FLVCR1: variants seen among roughly 807,000 people sequenced by gnomAD.
The protein encoded by FLVCR1 is FLVCR choline and heme transporter 1, also known as choline/ethanolamine transporter FLVCR1.
FLVCR1 carries 34 observed loss-of-function variants against 53.6 expected under a neutral mutation model. The observed-to-expected ratio is 0.63, with a 90% confidence interval of 0.48 to 0.84. FLVCR1 has a LOEUF of 0.84. Ranked by LOEUF, FLVCR1 falls within the 40% of genes least tolerant of loss-of-function variation. The pLI, the probability that FLVCR1 is intolerant of heterozygous loss-of-function variation, is 0.00. For missense variants in FLVCR1, 677 were observed against 696.7 expected (o/e 0.97, Z 0.32); for synonymous variants, 300 against 286.3 (o/e 1.05, Z -0.48).
At chr1:212,875,852 A>C (rs899284958) in intron 3 of FLVCR1, among the ~76,000 whole-genome samples, 3 of 150,440 alleles carry the variant, frequency 2.0e-5, no homozygotes, top group African/African-American at 7.3e-5. Context: ...GAAAAAAAAA[A>C]ACAAAAAACT....
At chr1:212,864,177 A>T (rs1404719618) in intron 2 of FLVCR1, among the ~76,000 whole-genome samples, 1 of 152,184 alleles carries the variant, frequency 6.6e-6, no homozygotes, top group East Asian at 1.9e-4. Flanking sequence ...CATGGTCTGC[A>T]TCTTATGCCT....
intron 1 of FLVCR1, among the ~76,000 whole-genome samples, chr1:212,861,927 C>T (rs1419063240): frequency 6.6e-6 from 1 of 152,124 alleles, no homozygotes; most frequent in South Asian, 2.1e-4. Flanking sequence ...ACCTCGGCCT[C>T]CCAAAGTGCT....
At chr1:212,879,643 C>T (rs1053515870) in intron 3 of FLVCR1, among the ~76,000 whole-genome samples, 2 of 152,120 alleles carry the variant, frequency 1.3e-5, no homozygotes, top group Admixed American at 1.3e-4. Flanking sequence ...GCAGCCTTCA[C>T]CTCCTGGGTT....
At chr1:212,861,559 G>A (rs1664240568) in intron 1 of FLVCR1, among the ~76,000 whole-genome samples, 1 of 152,006 alleles carries the variant, frequency 6.6e-6, no homozygotes, top group Non-Finnish European at 1.5e-5. Context: ...AAATTACGTG[G>A]TCTCCCCAGT....
Position 212,895,051 on chromosome 1 carries a change from G to A in FLVCR1, c.1591G>A (p.Ala531Thr). Reference protein sequence around the residue: ...NIGITNVDVKAIPADSPTDQE... With the variant: ...NIGITNVDVKTIPADSPTDQE... ...AGGAATTACAAATGTTGATGTTAAA[G>A]CTGTAAGTAATATTTTTATGATTAT... The change falls in exon 9 of 10, where the codon GCT becomes ACT. Residue 531 changes from alanine (A) to threonine (T), a missense_variant and splice_region_variant. By Grantham distance (58) the Ala-to-Thr change is moderately conservative (BLOSUM62 0). Transcript: ENST00000366971. The A allele has an allele frequency of 6.5e-7, 1 of 1,545,288 alleles. No individual in the cohort carries two copies. Among genetic ancestry groups the A allele is most frequent in the Non-Finnish European group, 8.9e-7 (1 of 1,117,438 alleles).
Position 212,858,407 on chromosome 1 carries a change from C to CG in FLVCR1, c.-42dup. On this transcript the variant is annotated 5_prime_UTR_variant, in exon 1 of 10. Coordinates refer to ENST00000366971, the MANE Select transcript of FLVCR1 (RefSeq NM_014053.4). ...GGGCTGTGGGCCGGGAGAGCGGAGTCGGGGAGTGGGGCGGGGGAGCGAGGT... is the reference window on the plus strand; with the variant it reads ...GGGCTGTGGGCCGGGAGAGCGGAGTCGGGGGAGTGGGGCGGGGGAGCGAGGT... The CG allele has an allele frequency of 7.1e-7, 1 of 1,412,846 alleles. No homozygotes were observed. The highest frequency in any genetic ancestry group is 9.2e-7 in the Non-Finnish European group (1 of 1,082,098). 87.5% of individuals were successfully genotyped at this position (1,412,846 alleles called of 1,614,324 possible). A position where few individuals can be genotyped will look rare whatever the true frequency, so the allele number is the denominator to read the frequency against.
intron 8 of FLVCR1, among the ~76,000 whole-genome samples, chr1:212,889,755 CAAAAAAA>C (rs386369572): frequency 2.7e-5 from 3 of 111,612 alleles, no homozygotes; most frequent in Non-Finnish European, 5.3e-5. Flanking sequence ...GACTCTGTCT[CAAAAAAA>C]AAAAAAAAAA....
intron 8 of FLVCR1, among the ~76,000 whole-genome samples, chr1:212,893,638 C>T (rs2359325): frequency 0.39 from 60,010 of 151,946 alleles, 13,356 homozygotes; most frequent in South Asian, 0.52. Context: ...TTGCCACAGC[C>T]GCTCCCACCT....
chr1:212,868,504 C>T (rs1664508378), intron 2 of FLVCR1, among the ~76,000 whole-genome samples: 1 of 152,206 alleles, frequency 6.6e-6, no homozygotes, highest in African/African-American at 2.4e-5. Context: ...ACCTCTGCCT[C>T]CCGGATTCAA....
intron 3 of FLVCR1, 140 bp downstream of exon 3, chr1:212,872,958 A>G: frequency 1.2e-6 from 1 of 832,860 alleles, no homozygotes. Flanking sequence ...TTAAACTAAA[A>G]GCAGAAAATC....
intron 7 of FLVCR1, among the ~76,000 whole-genome samples, chr1:212,888,825 C>T (rs1252403818): frequency 1.3e-5 from 2 of 152,044 alleles, no homozygotes; most frequent in African/African-American, 4.8e-5. Flanking sequence ...TTTGGGACTG[C>T]AGGTGCACAC....
Position 212,858,540 on chromosome 1 carries a change from C to G in FLVCR1, c.88C>G (p.Pro30Ala), listed in dbSNP as rs529365517. 6.8e-7 allele frequency: 1 copy of G among 1,463,694 alleles called. No homozygotes were observed. Among genetic ancestry groups the G allele is most frequent in the Non-Finnish European group, 9.0e-7 (1 of 1,109,778 alleles). The allele number at this position is 1,463,694 out of a possible 1,614,324, so 90.7% of individuals were successfully genotyped here. The change falls in exon 1 of 10, where the codon CCC becomes GCC. Residue 30 changes from proline to alanine, a missense_variant. Coordinates refer to ENST00000366971, the MANE Select transcript of FLVCR1 (RefSeq NM_014053.4). ...ATACCTCCCGTTGCCGAGGGGCGCG[C>G]CCGTTGGGAAGGAGAGCGTGGAGCT... ...KGYLPLPRGAPVGKESVELQN... is the reference protein window; with the variant it reads ...KGYLPLPRGAAVGKESVELQN...
At chr1:212,895,119 TTTTA>T in intron 9 of FLVCR1, 66 bp downstream of exon 9, 1 of 1,377,588 alleles carries the variant, frequency 7.3e-7, no homozygotes, top group Non-Finnish European at 1.0e-6. Flanking sequence ...AACCATATTT[TTTTA>T]TTTAGCTATT....
At chr1:212,889,472 T>G (rs1003582501) in intron 8 of FLVCR1, among the ~76,000 whole-genome samples, 5 of 152,144 alleles carry the variant, frequency 3.3e-5, no homozygotes, top group African/African-American at 1.2e-4. Context: ...ACTGTTATAA[T>G]AAGAGTAGTA....
Position 212,895,517 on chromosome 1 carries a change from A to G in FLVCR1, c.*227A>G, listed in dbSNP as rs1479630008. On this transcript the variant is annotated 3_prime_UTR_variant, in exon 10 of 10. Coordinates refer to ENST00000366971, the MANE Select transcript of FLVCR1 (RefSeq NM_014053.4). ...TTACATCATGTTAACACTACTGTTTATCTAATTAGTATCCGGTTTTTAGTC... is the reference window on the plus strand; with the variant it reads ...TTACATCATGTTAACACTACTGTTTGTCTAATTAGTATCCGGTTTTTAGTC... 2 of 540,718 alleles carry G rather than the reference A, an allele frequency of 3.7e-6. No individual in the cohort carries two copies. Among genetic ancestry groups the G allele is most frequent in the Non-Finnish European group, 6.6e-6 (2 of 302,802 alleles). The allele number at this position is 540,718 out of a possible 1,614,324, so 33.5% of individuals were successfully genotyped here.
At chr1:212,886,226 A>G (rs1360977407) in intron 5 of FLVCR1, among the ~76,000 whole-genome samples, 9 of 151,266 alleles carry the variant, frequency 5.9e-5, no homozygotes, top group Admixed American at 5.9e-4. Flanking sequence ...ACTTTTTGAT[A>G]GAGACAGTGT....
intron 2 of FLVCR1, among the ~76,000 whole-genome samples, chr1:212,868,835 A>T (rs1180539325): frequency 2.0e-5 from 3 of 152,212 alleles, no homozygotes; most frequent in Non-Finnish European, 4.4e-5. Context: ...GTTGCACTTG[A>T]TAATTACAGA....
intron 1 of FLVCR1, among the ~76,000 whole-genome samples, chr1:212,862,221 C>T (rs1402083915): frequency 6.6e-6 from 1 of 152,126 alleles, no homozygotes; most frequent in African/African-American, 2.4e-5. Flanking sequence ...AATTCAGTGG[C>T]GTTTAGTACA....
intron 8 of FLVCR1, among the ~76,000 whole-genome samples, chr1:212,890,234 C>G (rs1665156411): frequency 1.3e-5 from 2 of 152,200 alleles, no homozygotes; most frequent in South Asian, 2.1e-4. Context: ...CAGGTGCATA[C>G]TTTTAAAATG....
Sources: allele counts gnomAD v4.1 joint callset (sites outside exome capture counted in the v4.1 genomes callset), GRCh38; gene constraint gnomAD v4.1.1; transcripts MANE v1.5; gene names NCBI Gene and HGNC (gene_info 2026-07-23, HGNC 2026-07-21).